LMNTD1: variants seen among roughly 807,000 people sequenced by gnomAD.
LMNTD1 encodes the protein lamin tail domain-containing protein 1.
In LMNTD1, 35 loss-of-function variants were observed where a neutral mutation model predicts 50.9. That is an observed-to-expected ratio of 0.69 (90% CI 0.53 to 0.91). The LOEUF is 0.91. Among genes scored for constraint, LMNTD1 ranks in the 40% least tolerant of loss-of-function variants. The pLI is 0.00. For synonymous variants in LMNTD1, 153 were observed against 161.9 expected (o/e 0.94, Z 0.42); for missense variants, 470 against 475.5 (o/e 0.99, Z 0.11).
chr12:25,574,884 C>T (rs1008146560), intron 1 of LMNTD1, among the ~76,000 whole-genome samples: 6 of 152,112 alleles, frequency 3.9e-5, no homozygotes, highest in African/African-American at 1.4e-4. Context: ...CAAATTACAT[C>T]TTGATGAAAT....
intron 3 of LMNTD1, among the ~76,000 whole-genome samples, chr12:25,548,353 T>C (rs1720774825): frequency 6.6e-6 from 1 of 151,954 alleles, no homozygotes; most frequent in African/African-American, 2.4e-5. Context: ...AGGCATCAGA[T>C]AGTCACTGGA....
chr12:25,560,298 G>A (rs1944245414), intron 1 of LMNTD1, among the ~76,000 whole-genome samples: 1 of 152,154 alleles, frequency 6.6e-6, no homozygotes, highest in African/African-American at 2.4e-5. Context: ...ATTAAATAGG[G>A]AATCCTTTCC....
Position 25,525,247 on chromosome 12 carries a change from G to A in LMNTD1, c.798+852C>T, listed in dbSNP as rs141516088. Among the ~76,000 whole-genome samples the A allele has an allele frequency of 1.8e-3, 272 of 152,104 alleles. 1 individual carries two copies. The highest frequency in any genetic ancestry group is 4.5e-3 in the African/African-American group (186 of 41,496). ...AAAGGTTGAGTGAAAATATAAAATT[G>A]TCAAATACTGCGAACAAATTACCCA... On this transcript the variant is annotated intron_variant, in intron 6 of 9. Transcript: ENST00000458174.
intron 9 of LMNTD1, among the ~76,000 whole-genome samples, chr12:25,476,791 T>C (rs1440264725): frequency 6.6e-6 from 1 of 152,200 alleles, no homozygotes; most frequent in Non-Finnish European, 1.5e-5. Context: ...ATGAGCACAC[T>C]GGGCAGAACT....
At chr12:25,488,928 G>T (rs1057200182) in intron 9 of LMNTD1, among the ~76,000 whole-genome samples, 2 of 152,234 alleles carry the variant, frequency 1.3e-5, no homozygotes, top group Non-Finnish European at 2.9e-5. Flanking sequence ...GTGCCTCCCA[G>T]TTAGGCTGCT....
At chr12:25,560,561 T>G (rs1212633975) in intron 1 of LMNTD1, among the ~76,000 whole-genome samples, 2 of 152,152 alleles carry the variant, frequency 1.3e-5, no homozygotes, top group Non-Finnish European at 2.9e-5. Context: ...TTAAAGTAGT[T>G]TTTTTCCAAT....
chr12:25,555,736 T>C (rs1592004657), upstream of LMNTD1, among the ~76,000 whole-genome samples: 1 of 152,186 alleles, frequency 6.6e-6, no homozygotes, highest in South Asian at 2.1e-4. Flanking sequence ...CCATGACTTG[T>C]AATTATTAAA....
intron 4 of LMNTD1, among the ~76,000 whole-genome samples, chr12:25,534,315 A>G (rs1942427211): frequency 6.6e-6 from 1 of 152,228 alleles, no homozygotes; most frequent in African/African-American, 2.4e-5. Flanking sequence ...TGAAACAACT[A>G]AAAATCTGGA....
chr12:25,522,718 T>C (rs1941411697), intron 6 of LMNTD1, among the ~76,000 whole-genome samples: 1 of 152,174 alleles, frequency 6.6e-6, no homozygotes, highest in Admixed American at 6.5e-5. Flanking sequence ...TACCAGGCAT[T>C]GATAAACATG....
At chr12:25,491,338 A>T (rs912700435) in intron 9 of LMNTD1, among the ~76,000 whole-genome samples, 16 of 152,258 alleles carry the variant, frequency 1.1e-4, no homozygotes, top group African/African-American at 3.9e-4. Flanking sequence ...AAAGCTTGAA[A>T]GAGAAACTTT....
At chr12:25,600,309 A>G (rs1945936205) in intron 1 of LMNTD1, among the ~76,000 whole-genome samples, 2 of 152,034 alleles carry the variant, frequency 1.3e-5, no homozygotes, top group African/African-American at 4.8e-5. Flanking sequence ...AAAATGAATT[A>G]CGGACTTAAA....
chr12:25,527,257 C>T (rs1454553706), intron 4 of LMNTD1, among the ~76,000 whole-genome samples: 1 of 151,952 alleles, frequency 6.6e-6, no homozygotes, highest in African/African-American at 2.4e-5. Flanking sequence ...GTTTAAATTT[C>T]CTACTGTTCA....
intron 1 of LMNTD1, among the ~76,000 whole-genome samples, chr12:25,561,033 T>A (rs1944286784): frequency 6.6e-6 from 1 of 152,212 alleles, no homozygotes; most frequent in Non-Finnish European, 1.5e-5. Flanking sequence ...TTTCTTTCTC[T>A]TGCCCGATTG....
chr12:25,590,122 C>A (rs922064165), intron 1 of LMNTD1, among the ~76,000 whole-genome samples: 1 of 143,952 alleles, frequency 6.9e-6, no homozygotes, highest in Non-Finnish European at 1.6e-5. Context: ...ATACTTGGTT[C>A]TAACTTCATA....
chr12:25,531,799 C>T (rs188084), intron 4 of LMNTD1, among the ~76,000 whole-genome samples: 118,999 of 152,068 alleles, frequency 0.78, 47,178 homozygotes, highest in East Asian at 0.9. Flanking sequence ...TTGCCTTATT[C>T]GTCTCTTATA....
intron 6 of LMNTD1, among the ~76,000 whole-genome samples, chr12:25,521,560 G>A (rs1387657595): frequency 6.6e-6 from 1 of 152,186 alleles, no homozygotes; most frequent in Non-Finnish European, 1.5e-5. Flanking sequence ...AGGTAGGTAA[G>A]TTACTTTCTA....
intron 9 of LMNTD1, among the ~76,000 whole-genome samples, chr12:25,494,274 C>T (rs1387287482): frequency 2.0e-5 from 3 of 152,118 alleles, no homozygotes; most frequent in South Asian, 2.1e-4. Flanking sequence ...TTGGTCACTT[C>T]GTAATCATAT....
rs536276949 is a variant in LMNTD1 at position 25,622,430 on chromosome 12, T to C, written c.58+26064A>G. On this transcript the variant is annotated intron_variant, in intron 1 of 7. Transcript: ENST00000445693. ...ACTAACATAAAAAGAAAAGTTGCGC[T>C]GGTCACTGTTGCCCTTGACCTTGAG... Among the ~76,000 whole-genome samples the C allele has an allele frequency of 2.0e-5, 3 of 147,596 alleles. No homozygotes were observed. In the East Asian group the frequency reaches 5.9e-4, roughly 29 times the overall value.
At chr12:25,554,331 C>A (rs1351530622), upstream of LMNTD1, among the ~76,000 whole-genome samples, 3 of 152,164 alleles carry the variant, frequency 2.0e-5, no homozygotes, top group Non-Finnish European at 2.9e-5. Context: ...GTCGTTATGA[C>A]CTCATTGGTT....
Sources: allele counts gnomAD v4.1 joint callset (sites outside exome capture counted in the v4.1 genomes callset), GRCh38; gene constraint gnomAD v4.1.1; transcripts MANE v1.5; gene names NCBI Gene and HGNC (gene_info 2026-07-23, HGNC 2026-07-21).